PLCE1: variants seen among roughly 807,000 people sequenced by gnomAD.
PLCE1 encodes the protein 1-phosphatidylinositol 4,5-bisphosphate phosphodiesterase epsilon-1.
A neutral mutation model predicts 242.8 loss-of-function variants in PLCE1; 119 were observed. The observed-to-expected ratio is 0.49, with a 90% CI of 0.42 to 0.57. The LOEUF is 0.57. PLCE1 is among the 20% of genes least tolerant of loss of function. The pLI is 0.00. For synonymous variants in PLCE1, 945 were observed against 1,017.4 expected, an observed-to-expected ratio of 0.93 and a Z score of 1.35; for missense variants, 2,441 against 2,788.8, an observed-to-expected ratio of 0.88 and a Z score of 2.81.
chr10:94,068,297 C>T (rs780568021), intron 2 of PLCE1, among the ~76,000 whole-genome samples: 1 of 152,206 alleles, frequency 6.6e-6, no homozygotes, highest in Non-Finnish European at 1.5e-5. Context: ...CCATCATACT[C>T]CACGCTTCTC....
At chr10:94,237,932 C>T (rs1384646576) in intron 7 of PLCE1, among the ~76,000 whole-genome samples, 1 of 152,150 alleles carries the variant, frequency 6.6e-6, no homozygotes, top group African/African-American at 2.4e-5. Flanking sequence ...AAACAGCAAC[C>T]TCTAGCCCCT....
At chr10:94,096,898 AGCGAGTC>A (rs1164482386) in intron 2 of PLCE1, 2 of 152,254 alleles carry the variant, frequency 1.3e-5, no homozygotes, top group Non-Finnish European at 2.9e-5. Context: ...CATTCATATC[AGCGAGTC>A]TGACTTCCTC....
intron 1 of PLCE1, among the ~76,000 whole-genome samples, chr10:94,003,434 T>C (rs749813332): frequency 9.9e-5 from 15 of 152,220 alleles, no homozygotes; most frequent in Non-Finnish European, 1.8e-4. Flanking sequence ...TTCACAAATT[T>C]CCCATCATTA....
intron 27 of PLCE1, among the ~76,000 whole-genome samples, chr10:94,311,715 C>A (rs547995329): frequency 6.6e-6 from 1 of 152,326 alleles, no homozygotes; most frequent in East Asian, 1.9e-4. Flanking sequence ...TAATTGGTCT[C>A]ATTTCCTCTG....
intron 3 of PLCE1, among the ~76,000 whole-genome samples, chr10:94,158,949 T>C (rs2797982): frequency 0.81 from 120,567 of 149,144 alleles, 48,968 homozygotes; most frequent in Admixed American, 0.85. Flanking sequence ...CTCCGCCTCC[T>C]GGGTTCGAGC....
At chr10:94,293,303 G>C (rs1298245141) in intron 22 of PLCE1, among the ~76,000 whole-genome samples, 1 of 152,166 alleles carries the variant, frequency 6.6e-6, no homozygotes, top group African/African-American at 2.4e-5. Flanking sequence ...TGCAGTTCTT[G>C]TTGCATTTGC....
chr10:94,167,110 C>T (rs1283579420), intron 3 of PLCE1, among the ~76,000 whole-genome samples: 9 of 152,194 alleles, frequency 5.9e-5, no homozygotes, highest in African/African-American at 9.6e-5. Flanking sequence ...GCCAACATGG[C>T]GAAACCCTGT....
chr10:93,994,335 T>C (rs1318014786), intron 1 of PLCE1, among the ~76,000 whole-genome samples, 77 bp downstream of exon 1: 1 of 152,148 alleles, frequency 6.6e-6, no homozygotes, highest in African/African-American at 2.4e-5. Context: ...CCCAAGGCAG[T>C]CGACCCGCCT....
intron 14 of PLCE1, among the ~76,000 whole-genome samples, chr10:94,264,361 C>T (rs114010338): frequency 0.016 from 2,505 of 152,052 alleles, 61 homozygotes; most frequent in African/African-American, 0.055. Flanking sequence ...GTGAGCTGCA[C>T]AAGCCAGGCA....
chr10:94,167,693 C>T (rs1025684453), intron 3 of PLCE1, among the ~76,000 whole-genome samples: 8 of 136,386 alleles, frequency 5.9e-5, no homozygotes, highest in African/African-American at 1.6e-4. Context: ...CAACAGTCCC[C>T]GGTGTGTTCT....
At chr10:94,315,993 C>G (rs1048803264) in intron 28 of PLCE1, among the ~76,000 whole-genome samples, 2 of 152,042 alleles carry the variant, frequency 1.3e-5, no homozygotes, top group Non-Finnish European at 2.9e-5. Flanking sequence ...CTGTCTGGTT[C>G]CAGGGCTTTG....
intron 7 of PLCE1, among the ~76,000 whole-genome samples, chr10:94,239,304 C>A (rs2050425425): frequency 6.6e-6 from 1 of 152,318 alleles, no homozygotes; most frequent in South Asian, 2.1e-4. Context: ...GGGGCGGTTT[C>A]TCCCATGTGT....
At position 94,246,201 on chromosome 10, in the gene PLCE1, C is replaced by G. The variant is rs762493487; in HGVS notation, c.2676C>G (p.Thr892=). ...LQLQPDNSTL[T]WVKPTTASPA... is the part of the protein sequence containing the mutation. ...TTCAGCCCGACAATAGCACCTTGAC[C>G]TGGGTAAAGCCCACAACTGCCTCCC... The change falls in exon 8 of 33, where the codon ACC becomes ACG. Residue 892 remains threonine, a synonymous_variant. Coordinates refer to ENST00000371380, the MANE Select transcript of PLCE1 (RefSeq NM_016341.4). 6.2e-7 allele frequency: 1 copy of G among 1,614,134 alleles called. No homozygotes were observed. The highest frequency in any genetic ancestry group is 8.5e-7 in the Non-Finnish European group (1 of 1,180,006).
At chr10:94,271,583 G>T (rs1187162365) in intron 18 of PLCE1, among the ~76,000 whole-genome samples, 3 of 151,798 alleles carry the variant, frequency 2.0e-5, no homozygotes, top group African/African-American at 7.3e-5. Context: ...CAGAGTGCTG[G>T]GATTACATAC....
intron 4 of PLCE1, among the ~76,000 whole-genome samples, chr10:94,223,426 A>G (rs1321941954): frequency 6.6e-6 from 1 of 152,078 alleles, no homozygotes; most frequent in Non-Finnish European, 1.5e-5. Context: ...GGCTTTGCAG[A>G]GGACACAAGC....
intron 23 of PLCE1, among the ~76,000 whole-genome samples, chr10:94,297,930 A>G (rs939354038): frequency 3.3e-5 from 5 of 152,216 alleles, no homozygotes; most frequent in African/African-American, 1.2e-4. Flanking sequence ...ATTTGTGCAA[A>G]TATACCACAA....
At chr10:94,155,789 A>T (rs1009142554) in intron 3 of PLCE1, 1 of 151,972 alleles carries the variant, frequency 6.6e-6, no homozygotes. Flanking sequence ...GTTAAAAAAA[A>T]AAGAGAGAGA....
chr10:93,996,000 AAG>A (rs1300245628), intron 1 of PLCE1, among the ~76,000 whole-genome samples: 1 of 152,268 alleles, frequency 6.6e-6, no homozygotes, highest in Admixed American at 6.5e-5. Flanking sequence ...AAATGAATAA[AAG>A]AAGATTGAAA....
rs141361463 is a variant in PLCE1 at position 94,237,886 on chromosome 10, T to C, written c.2420+1766T>C. On this transcript the variant is annotated intron_variant, in intron 7 of 32. Coordinates refer to ENST00000371380, the MANE Select transcript of PLCE1 (RefSeq NM_016341.4). ...TGCAGATTGAAAAGCCCATAGGAAC[T>C]ATGCTTTGTTGATCTGGCTGAAACA... Among the ~76,000 whole-genome samples, 71 of 152,318 alleles carry C rather than the reference T, an allele frequency of 4.7e-4. No homozygotes were observed. In the Middle Eastern group the frequency reaches 0.02, roughly 44 times the overall value.
Sources: gnomAD v4.1 joint callset for allele counts (sites outside exome capture counted in the v4.1 genomes callset) on GRCh38, gnomAD v4.1.1 for gene constraint, MANE v1.5 for transcripts, NCBI Gene and HGNC (gene_info 2026-07-23, HGNC 2026-07-21) for gene names.